DBI: variants seen among roughly 807,000 people sequenced by gnomAD.
DBI encodes the protein acyl-CoA-binding protein.
In DBI, 12 loss-of-function variants were observed where a neutral mutation model predicts 13.0. The observed-to-expected ratio is 0.92, with a 90% CI of 0.59 to 1.49. DBI has a LOEUF of 1.49. Among genes scored for constraint, DBI ranks in the 40% most tolerant of loss-of-function variants. DBI has a pLI of 0.00. For synonymous variants in DBI, 37 were observed against 37.4 expected, an observed-to-expected ratio of 0.99 and a Z score of 0.04; for missense variants, 95 against 104.8, an observed-to-expected ratio of 0.91 and a Z score of 0.41.
chr2:119,372,125 A>G, intron 3 of DBI, 120 bp from the exon 4 acceptor site: 1 of 719,302 alleles, frequency 1.4e-6, no homozygotes, highest in Non-Finnish European at 2.4e-6. Flanking sequence ...TAGAATCTCA[A>G]CTTTATTAAG....
chr2:119,371,175 T>C (rs1681492024), intron 3 of DBI, among the ~76,000 whole-genome samples: 1 of 152,160 alleles, frequency 6.6e-6, no homozygotes, highest in African/African-American at 2.4e-5. Flanking sequence ...CTAACCCCAG[T>C]GGCCCTCCCC....
intron 2 of DBI, chr2:119,368,526 A>G (rs1319697547): frequency 1.9e-6 from 1 of 520,362 alleles, no homozygotes; most frequent in Non-Finnish European, 3.5e-6. Context: ...TTTACTGGTT[A>G]TCACCAGCAG....
At chr2:119,371,029 G>A (rs1211220344) in intron 3 of DBI, among the ~76,000 whole-genome samples, 2 of 152,198 alleles carry the variant, frequency 1.3e-5, no homozygotes, top group Non-Finnish European at 2.9e-5. Context: ...CATCTAGAGA[G>A]GAGGGGCTGG....
At chr2:119,367,355 G>T (rs774789011) in intron 1 of DBI, 25 of 1,447,866 alleles carry the variant, frequency 1.7e-5, no homozygotes, top group East Asian at 2.5e-5. Context: ...ATGGGGGAAG[G>T]GGTTGCACGG....
intron 2 of DBI, chr2:119,370,208 A>G (rs1681412991): frequency 6.6e-6 from 1 of 152,324 alleles, no homozygotes; most frequent in Non-Finnish European, 1.5e-5. Flanking sequence ...AAGTCATCAT[A>G]TAACTTAAAG....
At position 119,367,072 on chromosome 2, in the gene DBI, G is replaced by A. The variant is rs1458201014; in HGVS notation, c.9+12G>A. On this transcript the variant is annotated intron_variant, in intron 1 of 3. Coordinates refer to ENST00000355857, the MANE Select transcript of DBI (RefSeq NM_001079862.4). The stretch of plus-strand genomic sequence containing the variant: ...CCAGGATGTCTCAGGTACAGCGCGT[G>A]CACAGCCAGGCTGCGAAGGTGCAGC... 3.1e-6 allele frequency: 5 copies of A among 1,613,844 alleles called. No homozygotes were observed. Among genetic ancestry groups the A allele is most frequent in the Non-Finnish European group, 4.2e-6 (5 of 1,179,964 alleles).
intron 1 of DBI, 118 bp downstream of exon 1, chr2:119,367,178 G>A: frequency 6.6e-7 from 1 of 1,523,742 alleles, no homozygotes; most frequent in African/African-American, 1.4e-5. Flanking sequence ...CTTGCTCATG[G>A]GCCCATGCCT....
Position 119,370,750 on chromosome 2 carries a change from G to T in DBI, c.138G>T (p.Gly46=). The part of the protein sequence containing the change: ...TVGDINTERP[G]MLDFTGKAKW... Reference sequence around the variant, plus strand: ...CTTCCCTTGTTTAAGAACGGCCCGGGATGTTGGACTTCACGGGCAAGGCCA... The same window carrying T: ...CTTCCCTTGTTTAAGAACGGCCCGGTATGTTGGACTTCACGGGCAAGGCCA... The change falls in exon 3 of 4, where the codon GGG becomes GGT. Residue 46 remains glycine (G), a synonymous_variant. Coordinates refer to ENST00000355857, the MANE Select transcript of DBI (RefSeq NM_001079862.4). The T allele has an allele frequency of 6.2e-7, 1 of 1,614,102 alleles. No individual in the cohort carries two copies. Among genetic ancestry groups the T allele is most frequent in the South Asian group, 1.1e-5 (1 of 91,064 alleles).
At position 119,370,704 on chromosome 2, in the gene DBI, G is replaced by T. The variant is rs777401516; in HGVS notation, c.128-36G>T. The T allele has an allele frequency of 3.1e-6, 5 of 1,600,706 alleles. No individual in the cohort carries two copies. The East Asian group carries it at 1.1e-4, about 36-fold the overall frequency. On this transcript the variant is annotated intron_variant, in intron 2 of 3. Coordinates refer to ENST00000355857, the MANE Select transcript of DBI (RefSeq NM_001079862.4). Reference sequence around the variant, plus strand: ...TTGATCAAGTTCTCCATTAGAATTTGAACCAGATCTAATGCCTTTTCTTCC... The same window carrying T: ...TTGATCAAGTTCTCCATTAGAATTTTAACCAGATCTAATGCCTTTTCTTCC...
At chr2:119,367,660 G>T (rs1272736056) in intron 1 of DBI, 2 of 1,613,818 alleles carry the variant, frequency 1.2e-6, no homozygotes, top group East Asian at 2.2e-5. Context: ...TGTTGAACGC[G>T]CGGGCCCCAG....
Position 119,370,738 on chromosome 2 carries a change from A to C in DBI, c.128-2A>C. 3.7e-6 allele frequency: 6 copies of C among 1,613,896 alleles called. No homozygotes were observed. The highest frequency in any genetic ancestry group is 5.1e-6 in the Non-Finnish European group (6 of 1,179,896). On this transcript the variant is annotated splice_acceptor_variant, in intron 2 of 3. Coordinates refer to ENST00000355857, the MANE Select transcript of DBI (RefSeq NM_001079862.4). LOFTEE classifies it high-confidence loss of function. ...CTAATGCCTTTTCTTCCCTTGTTTA[A>C]GAACGGCCCGGGATGTTGGACTTCA...
At chr2:119,367,518 C>T (rs754014573) in intron 1 of DBI, 3 of 1,602,274 alleles carry the variant, frequency 1.9e-6, no homozygotes, top group East Asian at 2.2e-5. Flanking sequence ...AGAATCGCGG[C>T]CCGGGGAGAG....
intron 2 of DBI, chr2:119,368,656 G>T: frequency 4.9e-6 from 1 of 203,010 alleles, no homozygotes; most frequent in Non-Finnish European, 1.0e-5. Context: ...CAGGATCAAA[G>T]TTGGAGCACT....
At chr2:119,369,507 G>A (rs1681358724) in intron 2 of DBI, among the ~76,000 whole-genome samples, 1 of 152,178 alleles carries the variant, frequency 6.6e-6, no homozygotes, top group Non-Finnish European at 1.5e-5. Flanking sequence ...TTTAACTGAG[G>A]CTGGGCGCTA....
At chr2:119,367,755 GC>G (rs1681152300) in intron 1 of DBI, 1 of 1,607,642 alleles carries the variant, frequency 6.2e-7, no homozygotes, top group Non-Finnish European at 8.5e-7. Flanking sequence ...AGCATACTGT[GC>G]CCCGTCTGTC....
chr2:119,369,513 C>T (rs939237566), intron 2 of DBI, among the ~76,000 whole-genome samples: 42 of 152,276 alleles, frequency 2.8e-4, no homozygotes, highest in African/African-American at 1.0e-3. Context: ...TGAGGCTGGG[C>T]GCTATGGCTC....
In DBI at chr2:119,367,027, C is replaced by G. The variant is rs746931532; in HGVS notation, c.-25C>G. 3.7e-6 allele frequency: 6 copies of G among 1,614,058 alleles called. No homozygotes were observed. The highest frequency in any genetic ancestry group is 5.1e-6 in the Non-Finnish European group (6 of 1,179,992). ...GGTCCTCGCCTCCTCCGCTGTCTCC[C>G]TGGAGTTCTTGCAAGTCGGCCAGGA... On this transcript the variant is annotated 5_prime_UTR_variant, in exon 1 of 4. Transcript: ENST00000355857.
At chr2:119,368,887 A>G (rs1183987262) in intron 2 of DBI, 1 of 155,328 alleles carries the variant, frequency 6.4e-6, no homozygotes, top group Non-Finnish European at 1.4e-5. Flanking sequence ...TTCTGTCCCT[A>G]AGTCCCTGAA....
intron 2 of DBI, 63 bp downstream of exon 2, chr2:119,368,368 G>C: frequency 8.2e-7 from 1 of 1,218,692 alleles, no homozygotes; most frequent in Non-Finnish European, 1.2e-6. Flanking sequence ...GCTCAGACTG[G>C]AAGTCCCTGG....
Sources: allele counts gnomAD v4.1 joint callset (sites outside exome capture counted in the v4.1 genomes callset), GRCh38; gene constraint gnomAD v4.1.1; transcripts MANE v1.5; gene names NCBI Gene and HGNC (gene_info 2026-07-23, HGNC 2026-07-21).